The following SLAMF6 variants were observed in gnomAD, a reference collection of about 807,000 sequenced individuals.
SLAMF6 encodes the protein NK-T-B-antigen.
SLAMF6 carries 21 observed loss-of-function variants against 38.3 expected under a neutral mutation model. The observed-to-expected ratio is 0.55, with a 90% CI of 0.39 to 0.79. The LOEUF (loss-of-function observed/expected upper bound fraction) is 0.79. Ranked by LOEUF, SLAMF6 falls within the 30% of genes least tolerant of loss-of-function variation. The pLI is 0.00. For synonymous variants in SLAMF6, 152 were observed against 146.3 expected (o/e 1.04, Z -0.28); for missense variants, 341 against 385.3 (o/e 0.89, Z 0.96).
At chr1:160,499,750 A>G (rs1653784218) in intron 1 of SLAMF6, among the ~76,000 whole-genome samples, 1 of 152,122 alleles carries the variant, frequency 6.6e-6, no homozygotes, top group African/African-American at 2.4e-5. Flanking sequence ...CTGAATAGGG[A>G]AGGAAATGTC....
chr1:160,520,102 G>C (rs543281858), intron 1 of SLAMF6, among the ~76,000 whole-genome samples: 1 of 152,086 alleles, frequency 6.6e-6, no homozygotes, highest in Non-Finnish European at 1.5e-5. Flanking sequence ...ATATAAAACA[G>C]CTCTCTGCCT....
intron 1 of SLAMF6, among the ~76,000 whole-genome samples, chr1:160,505,746 A>G (rs528099791): frequency 6.6e-6 from 1 of 152,270 alleles, no homozygotes; most frequent in African/African-American, 2.4e-5. Flanking sequence ...GAAACAATGG[A>G]CAAAGAACTA....
At chr1:160,506,247 G>A (rs1039690033) in intron 1 of SLAMF6, among the ~76,000 whole-genome samples, 16 of 152,014 alleles carry the variant, frequency 1.1e-4, no homozygotes, top group African/African-American at 3.9e-4. Flanking sequence ...TGAAAACAAG[G>A]AGAGAGTCTC....
intron 2 of SLAMF6, among the ~76,000 whole-genome samples, chr1:160,495,350 GA>G (rs1239582784): frequency 3.2e-4 from 48 of 152,254 alleles, no homozygotes; most frequent in African/African-American, 1.1e-3. Context: ...GTATTTTTCT[GA>G]TATTGACTCA....
At chr1:160,522,480 G>A (rs6689237) in intron 1 of SLAMF6, among the ~76,000 whole-genome samples, 133,996 of 152,170 alleles carry the variant, frequency 0.88, 59,262 homozygotes, top group Non-Finnish European at 0.93. Context: ...TTCCCCAAAT[G>A]TGATATGAAT....
chr1:160,490,751 C>T (rs1233835238), intron 3 of SLAMF6, 66 bp from the exon 4 acceptor site: 2 of 1,575,510 alleles, frequency 1.3e-6, no homozygotes, highest in Admixed American at 1.9e-5. Context: ...CTTGGAGCCT[C>T]CGTGGAGCCT....
intron 1 of SLAMF6, among the ~76,000 whole-genome samples, chr1:160,509,623 T>C (rs1287205486): frequency 6.6e-6 from 1 of 152,176 alleles, no homozygotes; most frequent in Non-Finnish European, 1.5e-5. Context: ...TTGCACGATG[T>C]GCACATGTAC....
At chr1:160,487,209 A>G (rs771301973) in intron 6 of SLAMF6, 34 bp from the exon 7 acceptor site, 62 of 1,557,354 alleles carry the variant, frequency 4.0e-5, no homozygotes, top group Non-Finnish European at 5.2e-5. Context: ...TGGCTTACAC[A>G]GAGACAAAGA....
chr1:160,506,049 T>C (rs1300820443), intron 1 of SLAMF6, among the ~76,000 whole-genome samples: 8 of 151,848 alleles, frequency 5.3e-5, no homozygotes, highest in Admixed American at 3.9e-4. Context: ...AAAATAAGCA[T>C]AATAGGAGTC....
At position 160,485,616 on chromosome 1, in the gene SLAMF6, T is replaced by A. The variant is rs1161890471; in HGVS notation, c.*1091A>T. The A allele has an allele frequency of 1.3e-5, 2 of 152,236 alleles. No homozygotes were observed. Among genetic ancestry groups the A allele is most frequent in the Admixed American group, 1.3e-4 (2 of 15,274 alleles). The allele number at this position is 152,236 out of a possible 1,614,324, so 9.4% of individuals were successfully genotyped here. A position where few individuals can be genotyped will look rare whatever the true frequency, so the allele number is the denominator to read the frequency against. Reference sequence around the variant, plus strand: ...CCAGGGCCATGGAAACTGGATTTCTTTCTGAGTGCATTGGGAAACCTGCAG... The same window carrying A: ...CCAGGGCCATGGAAACTGGATTTCTATCTGAGTGCATTGGGAAACCTGCAG... On this transcript the variant is annotated 3_prime_UTR_variant, in exon 8 of 8. Transcript: ENST00000368057.
At position 160,510,532 on chromosome 1, in the gene SLAMF6, A is replaced by C. The variant is rs181095677; in HGVS notation, c.49+12612T>G. 2.6e-4 allele frequency among the ~76,000 whole-genome samples: 39 copies of C among 152,344 alleles called. No individual in the cohort carries two copies. The East Asian group carries it at 4.8e-3, about 19-fold the overall frequency. On this transcript the variant is annotated intron_variant, in intron 1 of 7. Transcript: ENST00000368057. ...TGATGCAGAAAAAACATTTGAAAAA[A>C]ACCAGCACCTTTTAAATAAAAACAC... is the stretch of plus-strand genomic sequence containing the variant.
chr1:160,500,323 A>ACCTAATT (rs1441504296), intron 1 of SLAMF6, among the ~76,000 whole-genome samples: 2 of 152,182 alleles, frequency 1.3e-5, no homozygotes, highest in African/African-American at 2.4e-5. Context: ...TCTTTCTTTG[A>ACCTAATT]CCTAATTCCT....
intron 1 of SLAMF6, among the ~76,000 whole-genome samples, chr1:160,514,909 A>T (rs182233758): frequency 6.6e-6 from 1 of 152,294 alleles, no homozygotes; most frequent in East Asian, 1.9e-4. Context: ...ACCTAGAAAG[A>T]TCTCAAATTG....
chr1:160,516,659 GAC>G (rs1654758618), intron 1 of SLAMF6, among the ~76,000 whole-genome samples: 1 of 152,054 alleles, frequency 6.6e-6, no homozygotes, highest in Non-Finnish European at 1.5e-5. Context: ...GTACAAAACA[GAC>G]ACATAGACCA....
chr1:160,510,882 CA>C (rs1294855263), intron 1 of SLAMF6, among the ~76,000 whole-genome samples: 1 of 152,052 alleles, frequency 6.6e-6, no homozygotes, highest in Non-Finnish European at 1.5e-5. Context: ...ATAAATTCAG[CA>C]AAGTTGCAAG....
chr1:160,496,425 G>A, intron 1 of SLAMF6, 32 bp from the exon 2 acceptor site: 1 of 1,598,366 alleles, frequency 6.3e-7, no homozygotes, highest in Non-Finnish European at 8.5e-7. Flanking sequence ...TTTTAAAAAT[G>A]TTCCTGACCA....
chr1:160,490,498 C>A, intron 4 of SLAMF6, 77 bp downstream of exon 4: 1 of 1,560,020 alleles, frequency 6.4e-7, no homozygotes, highest in Non-Finnish European at 8.7e-7. Context: ...CACAAGAGAT[C>A]CTTGGGAATC....
At chr1:160,494,778 T>TTGCCCG (rs1653485952) in intron 2 of SLAMF6, among the ~76,000 whole-genome samples, 1 of 152,074 alleles carries the variant, frequency 6.6e-6, no homozygotes, top group African/African-American at 2.4e-5. Flanking sequence ...AAAGAGCAGA[T>TTGCCCG]TGCCCGCTAC....
rs1360315866 is a variant in SLAMF6 at position 160,496,244 on chromosome 1, G to T, written c.199C>A (p.Pro67Thr). Reference sequence around the variant, plus strand: ...ATTTCTGGACTTTTGGTTTCATGGGGTACTATGAAGGCAAGAGATGTTTCA... The same window carrying T: ...ATTTCTGGACTTTTGGTTTCATGGGTTACTATGAAGGCAAGAGATGTTTCA... ...FNETSLAFIV[P>T]HETKSPEIHV... The change falls in exon 2 of 8, where the codon CCC (proline) becomes ACC (threonine). Residue 67 changes from proline (P) to threonine (T), a missense_variant. By Grantham distance (38) the Pro-to-Thr change is conservative (BLOSUM62 -1). Transcript: ENST00000368057. 1 of 1,613,890 alleles carries T rather than the reference G, an allele frequency of 6.2e-7. No individual in the cohort carries two copies. The highest frequency in any genetic ancestry group is 2.2e-5 in the East Asian group (1 of 44,872).
Sources: allele counts gnomAD v4.1 joint callset (sites outside exome capture counted in the v4.1 genomes callset), GRCh38; gene constraint gnomAD v4.1.1; transcripts MANE v1.5; gene names NCBI Gene and HGNC (gene_info 2026-07-23, HGNC 2026-07-21).